CDH4: variants seen among roughly 807,000 people sequenced by gnomAD.
CDH4 encodes cadherin 4, also known as cadherin-4.
A neutral mutation model predicts 86.0 loss-of-function variants in CDH4; 33 were observed. The observed-to-expected ratio is 0.38, with a 90% confidence interval of 0.29 to 0.51. CDH4 has a LOEUF of 0.51. Among genes scored for constraint, CDH4 ranks in the 20% least tolerant of loss-of-function variants. The pLI is 0.86. For synonymous variants in CDH4, 555 were observed against 549.4 expected (o/e 1.01, Z -0.14); for missense variants, 1,114 against 1,307.4 (o/e 0.85, Z 2.28).
intron 2 of CDH4, among the ~76,000 whole-genome samples, chr20:61,658,186 T>C (rs946616407): frequency 1.3e-5 from 2 of 152,046 alleles, no homozygotes; most frequent in Non-Finnish European, 2.9e-5. Context: ...AGGGTTCAAA[T>C]GCATCTGCAA....
chr20:61,451,291 A>C (rs766544189), intron 2 of CDH4, among the ~76,000 whole-genome samples: 25 of 152,060 alleles, frequency 1.6e-4, no homozygotes, highest in African/African-American at 3.9e-4. Flanking sequence ...AACGGCACGG[A>C]CCACCATGGA....
intron 2 of CDH4, among the ~76,000 whole-genome samples, chr20:61,578,080 C>T (rs2086397583): frequency 6.6e-6 from 1 of 152,176 alleles, no homozygotes; most frequent in South Asian, 2.1e-4. Flanking sequence ...GTGTCCCGAC[C>T]CTCAGCTCTA....
At chr20:61,455,376 C>G (rs2085401627) in intron 2 of CDH4, among the ~76,000 whole-genome samples, 2 of 152,182 alleles carry the variant, frequency 1.3e-5, no homozygotes, top group African/African-American at 2.4e-5. Context: ...GCGAGTGCCT[C>G]AAATCAGTGT....
chr20:61,848,941 C>T (rs1251283136), intron 5 of CDH4, among the ~76,000 whole-genome samples: 2 of 152,190 alleles, frequency 1.3e-5, no homozygotes, highest in Admixed American at 1.3e-4. Flanking sequence ...GCCTCCTGCA[C>T]ACCAGGTTCT....
intron 2 of CDH4, among the ~76,000 whole-genome samples, chr20:61,536,995 C>T (rs560497539): frequency 9.2e-5 from 14 of 152,258 alleles, no homozygotes; most frequent in Middle Eastern, 3.4e-3. Context: ...TGTGAATGAA[C>T]GAATGACCAA....
intron 2 of CDH4, among the ~76,000 whole-genome samples, chr20:61,339,730 G>T (rs1042797528): frequency 6.6e-6 from 1 of 152,176 alleles, no homozygotes; most frequent in African/African-American, 2.4e-5. Flanking sequence ...CTCCAGACCT[G>T]TGCCATGGAC....
chr20:61,311,981 G>A (rs137889618), intron 2 of CDH4, among the ~76,000 whole-genome samples: 11 of 152,384 alleles, frequency 7.2e-5, no homozygotes, highest in African/African-American at 2.4e-4. Flanking sequence ...GTGTTTACAT[G>A]CCTGCATGTG....
chr20:61,442,261 T>C (rs2085318315), intron 2 of CDH4, among the ~76,000 whole-genome samples: 1 of 152,240 alleles, frequency 6.6e-6, no homozygotes, highest in African/African-American at 2.4e-5. Context: ...AAGCAGTGTG[T>C]GTCCGAGGAA....
intron 2 of CDH4, among the ~76,000 whole-genome samples, chr20:61,534,665 C>CTTTCT (rs1192776046): frequency 2.5e-4 from 19 of 76,062 alleles, no homozygotes; most frequent in African/African-American, 1.9e-3. Context: ...TTCTTTCTTT[C>CTTTCT]TTTTTTTTTT....
intron 3 of CDH4, among the ~76,000 whole-genome samples, chr20:61,772,423 T>C (rs1204581943): frequency 6.6e-6 from 1 of 152,252 alleles, no homozygotes; most frequent in East Asian, 1.9e-4. Context: ...GAGATGTGGA[T>C]ATTTTTCATA....
chr20:61,382,740 G>A (rs1274288577), intron 2 of CDH4, among the ~76,000 whole-genome samples: 3 of 152,012 alleles, frequency 2.0e-5, no homozygotes, highest in South Asian at 4.2e-4. Flanking sequence ...GGTTCTCCTC[G>A]GGTGCACCTC....
chr20:61,309,567 A>G (rs2084434630), intron 2 of CDH4, among the ~76,000 whole-genome samples: 1 of 152,218 alleles, frequency 6.6e-6, no homozygotes, highest in South Asian at 2.1e-4. Flanking sequence ...AAGCAAGGCA[A>G]AAAAAGGAGG....
intron 2 of CDH4, among the ~76,000 whole-genome samples, chr20:61,690,750 G>A (rs1213031521): frequency 6.6e-6 from 1 of 152,274 alleles, no homozygotes; most frequent in Admixed American, 6.5e-5. Context: ...TCCTCACAAT[G>A]GACTTGCTGC....
At position 61,803,717 on chromosome 20, in the gene CDH4, A is replaced by G. The variant is rs549095648; in HGVS notation, c.576+30535A>G. Among the ~76,000 whole-genome samples, 89 of 152,370 alleles carry G rather than the reference A, an allele frequency of 5.8e-4. 1 individual carries two copies. The Middle Eastern group carries it at 0.01, about 17-fold the overall frequency. The stretch of plus-strand genomic sequence containing the variant: ...AAGGGAGGTTGGAAGGAAACGTTCA[A>G]CTGTGTGCTTCCCAGAGCCCTAGCA... On this transcript the variant is annotated intron_variant, in intron 4 of 15. Coordinates refer to ENST00000614565, the MANE Select transcript of CDH4 (RefSeq NM_001794.5).
chr20:61,747,289 A>G (rs1332093360), intron 3 of CDH4, among the ~76,000 whole-genome samples: 1 of 152,064 alleles, frequency 6.6e-6, no homozygotes, highest in East Asian at 1.9e-4. Flanking sequence ...AAATACAAAC[A>G]AAAATAAAAT....
chr20:61,492,085 GTGT>G (rs1454832997), intron 2 of CDH4, among the ~76,000 whole-genome samples: 1 of 150,602 alleles, frequency 6.6e-6, no homozygotes, highest in Non-Finnish European at 1.5e-5. Flanking sequence ...ATTGTTGATG[GTGT>G]TGATGGTGGT....
intron 2 of CDH4, among the ~76,000 whole-genome samples, chr20:61,735,412 C>T (rs917793110): frequency 1.3e-5 from 2 of 152,208 alleles, no homozygotes; most frequent in Non-Finnish European, 2.9e-5. Context: ...CTCACTCCCC[C>T]ACCCTCCTCT....
chr20:61,293,318 G>C (rs1411049651), intron 2 of CDH4, among the ~76,000 whole-genome samples: 1 of 152,208 alleles, frequency 6.6e-6, no homozygotes, highest in African/African-American at 2.4e-5. Flanking sequence ...GGTGGCAGGA[G>C]GACCCGTAGG....
At chr20:61,904,163 C>T (rs6061885) in intron 8 of CDH4, among the ~76,000 whole-genome samples, 7 of 152,206 alleles carry the variant, frequency 4.6e-5, no homozygotes, top group African/African-American at 1.7e-4. Context: ...TGGCGGGAGC[C>T]GTCATCGGGG....
Sources: allele counts gnomAD v4.1 joint callset (sites outside exome capture counted in the v4.1 genomes callset), GRCh38; gene constraint gnomAD v4.1.1; transcripts MANE v1.5; gene names NCBI Gene and HGNC (gene_info 2026-07-23, HGNC 2026-07-21).